CPA6: variants seen among roughly 807,000 people sequenced by gnomAD.
The protein encoded by CPA6 is carboxypeptidase A6.
In CPA6, 58 loss-of-function variants were observed where a neutral mutation model predicts 63.3. That is an observed-to-expected ratio of 0.92 (90% CI 0.74 to 1.14). CPA6 has a LOEUF of 1.14. Among genes scored for constraint, CPA6 ranks in the 50% most tolerant of loss-of-function variants. The probability of loss-of-function intolerance (pLI) is 0.00; values close to 1 mark genes in which losing one functional copy is unlikely to be tolerated. For synonymous variants in CPA6, 185 were observed against 179.0 expected (o/e 1.03, Z -0.27); for missense variants, 565 against 526.6 (o/e 1.07, Z -0.71).
intron 1 of CPA6, among the ~76,000 whole-genome samples, chr8:67,661,100 T>C (rs1770129110): frequency 6.6e-6 from 1 of 151,796 alleles, no homozygotes; most frequent in African/African-American, 2.4e-5. Flanking sequence ...ATATACAGAG[T>C]GAAAGATGAT....
chr8:67,511,100 G>T (rs1812034396), intron 4 of CPA6, among the ~76,000 whole-genome samples: 1 of 152,138 alleles, frequency 6.6e-6, no homozygotes, highest in African/African-American at 2.4e-5. Flanking sequence ...ATGCTCAAAG[G>T]TGCAGAGATG....
At chr8:67,700,176 T>C (rs950649918) in intron 1 of CPA6, among the ~76,000 whole-genome samples, 2 of 152,238 alleles carry the variant, frequency 1.3e-5, no homozygotes, top group African/African-American at 4.8e-5. Context: ...GGAGGTACTA[T>C]GTACAGGCCT....
chr8:67,688,006 T>C (rs1354301312), intron 1 of CPA6, among the ~76,000 whole-genome samples: 1 of 151,980 alleles, frequency 6.6e-6, no homozygotes, highest in Non-Finnish European at 1.5e-5. Context: ...AAAAACCCCG[T>C]CCCTACAAAA....
At chr8:67,515,912 C>G (rs1370545928) in intron 3 of CPA6, among the ~76,000 whole-genome samples, 2 of 152,170 alleles carry the variant, frequency 1.3e-5, no homozygotes, top group Non-Finnish European at 2.9e-5. Context: ...CTCAGTAACT[C>G]TACATTGTTT....
chr8:67,667,299 T>C (rs950098194), intron 1 of CPA6, among the ~76,000 whole-genome samples: 1 of 152,276 alleles, frequency 6.6e-6, no homozygotes, highest in Non-Finnish European at 1.5e-5. Flanking sequence ...ACTGGGTCTT[T>C]GCCTCTTAGA....
intron 1 of CPA6, among the ~76,000 whole-genome samples, chr8:67,704,718 T>TG (rs895836695): frequency 6.6e-6 from 1 of 152,238 alleles, no homozygotes; most frequent in Non-Finnish European, 1.5e-5. Context: ...ACGGTAAGAC[T>TG]GGTTCATTCT....
At chr8:67,652,485 G>A (rs1343294389) in intron 1 of CPA6, among the ~76,000 whole-genome samples, 7 of 151,938 alleles carry the variant, frequency 4.6e-5, no homozygotes, top group Non-Finnish European at 1.0e-4. Flanking sequence ...GCATTTCTCT[G>A]ATGGCCAGTG....
chr8:67,434,152 G>A lies in CPA6; in HGVS notation c.927C>T (p.Phe309=). ...SEPEVKAVAN[F]LRKHRKHIRA... is the part of the protein sequence containing the mutation. ...TAATGTGCTTTCTGTGTTTTCGAAGGAAGTTAGCTACAGCCTTCACTTCCG... is the reference window on the plus strand; with the variant it reads ...TAATGTGCTTTCTGTGTTTTCGAAGAAAGTTAGCTACAGCCTTCACTTCCG... Residue 309 remains phenylalanine, a synonymous_variant, in exon 9 of 11, where the codon TTC becomes TTT. Coordinates refer to ENST00000297770, the MANE Select transcript of CPA6 (RefSeq NM_020361.5). The A allele has an allele frequency of 6.2e-7, 1 of 1,614,098 alleles. No homozygotes were observed.
intron 1 of CPA6, among the ~76,000 whole-genome samples, chr8:67,631,708 A>G (rs1446861406): frequency 6.6e-6 from 1 of 152,190 alleles, no homozygotes; most frequent in African/African-American, 2.4e-5. Flanking sequence ...GTTTGCAATA[A>G]CACTTGCTGG....
chr8:67,488,868 G>GT (rs1384963738), intron 6 of CPA6, among the ~76,000 whole-genome samples: 2 of 152,048 alleles, frequency 1.3e-5, no homozygotes, highest in African/African-American at 4.8e-5. Flanking sequence ...TGTTATTGGT[G>GT]TAAGAATGCT....
chr8:67,442,764 T>C (rs55897474), intron 8 of CPA6, among the ~76,000 whole-genome samples: 22,786 of 152,124 alleles, frequency 0.15, 1,883 homozygotes, highest in East Asian at 0.24. Flanking sequence ...GTGAGCATAG[T>C]TGACTGACAG....
intron 2 of CPA6, among the ~76,000 whole-genome samples, chr8:67,587,071 G>T (rs189495102): frequency 1.3e-5 from 2 of 152,306 alleles, no homozygotes; most frequent in Admixed American, 1.3e-4. Flanking sequence ...GAGGATAATG[G>T]GTATTATGTT....
chr8:67,509,598 A>G lies in CPA6; in HGVS notation c.453T>C (p.His151=), dbSNP rs1812002711. The G allele has an allele frequency of 6.3e-7, 1 of 1,584,346 alleles. No homozygotes were observed. The highest frequency in any genetic ancestry group is 8.6e-7 in the Non-Finnish European group (1 of 1,157,598). ...TGAGGCCTGAGTGAGTTTTATTCAG[A>G]TGATGCATCCAATTTTGAATCTAAG... The part of the protein sequence containing the change: ...SLEEIQNWMH[H]LNKTHSGLIH... Residue 151 remains histidine, a synonymous_variant, in exon 5 of 11, where the codon CAT becomes CAC. Coordinates refer to ENST00000297770, the MANE Select transcript of CPA6 (RefSeq NM_020361.5).
At chr8:67,585,784 T>C (rs1312319742) in intron 2 of CPA6, among the ~76,000 whole-genome samples, 2 of 152,198 alleles carry the variant, frequency 1.3e-5, no homozygotes, top group Non-Finnish European at 2.9e-5. Flanking sequence ...CTAAGTCCTA[T>C]AAGCATAATA....
intron 1 of CPA6, among the ~76,000 whole-genome samples, chr8:67,625,184 G>A (rs1016360858): frequency 6.6e-6 from 1 of 152,068 alleles, no homozygotes; most frequent in African/African-American, 2.4e-5. Context: ...GATACTTTTT[G>A]ATAGGCCTGA....
Position 67,661,093 on chromosome 8 carries a change from T to C in CPA6, c.117-36842A>G, listed in dbSNP as rs78775188. 4.0e-3 allele frequency among the ~76,000 whole-genome samples: 613 copies of C among 152,316 alleles called. 5 individuals are homozygous for C. Among genetic ancestry groups the C allele is most frequent in the African/African-American group, 0.012 (514 of 41,564 alleles). ...ATGCTCACACACAATAAGTAAAATATACAGAGTGAAAGATGATGAAGAACA... is the reference window on the plus strand; with the variant it reads ...ATGCTCACACACAATAAGTAAAATACACAGAGTGAAAGATGATGAAGAACA... On this transcript the variant is annotated intron_variant, in intron 1 of 10. Coordinates refer to ENST00000297770, the MANE Select transcript of CPA6 (RefSeq NM_020361.5).
chr8:67,576,072 T>C (rs1813617762), intron 2 of CPA6, among the ~76,000 whole-genome samples: 1 of 152,170 alleles, frequency 6.6e-6, no homozygotes, highest in African/African-American at 2.4e-5. Flanking sequence ...AAAGCCTCAG[T>C]TGCATAGTAG....
Position 67,431,289 on chromosome 8 carries a change from G to A in CPA6, c.1041+2749C>T, listed in dbSNP as rs1810022178. 2.6e-5 allele frequency among the ~76,000 whole-genome samples: 4 copies of A among 151,844 alleles called. No individual in the cohort carries two copies. The South Asian group carries it at 8.4e-4, about 32-fold the overall frequency. The stretch of plus-strand genomic sequence containing the variant: ...GAGTCTCACTCTGTTGCCCAGGCTG[G>A]AATGCAGTGATGCCATCTTGGCTCA... On this transcript the variant is annotated intron_variant, in intron 9 of 10. Coordinates refer to ENST00000297770, the MANE Select transcript of CPA6 (RefSeq NM_020361.5).
At chr8:67,553,626 G>GA in intron 2 of CPA6, among the ~76,000 whole-genome samples, 2 of 152,042 alleles carry the variant, frequency 1.3e-5, no homozygotes, top group South Asian at 4.2e-4. Context: ...TATTAGAGTG[G>GA]AAAAAATAAT....
Sources: allele counts gnomAD v4.1 joint callset (sites outside exome capture counted in the v4.1 genomes callset), GRCh38; gene constraint gnomAD v4.1.1; transcripts MANE v1.5; gene names NCBI Gene and HGNC (gene_info 2026-07-23, HGNC 2026-07-21).